ANGEL1: variants seen among roughly 807,000 people sequenced by gnomAD.
ANGEL1 encodes the protein angel homolog 1.
In ANGEL1, 62 loss-of-function variants were observed where a neutral mutation model predicts 76.4. That is an observed-to-expected ratio of 0.81 (90% CI 0.66 to 1.00). The LOEUF (loss-of-function observed/expected upper bound fraction) is 1.00. Among genes scored for constraint, ANGEL1 ranks in the 50% least tolerant of loss-of-function variants. ANGEL1 has a pLI of 0.00. For synonymous variants in ANGEL1, 340 were observed against 331.7 expected (o/e 1.03, Z -0.27); for missense variants, 737 against 836.7 (o/e 0.88, Z 1.47).
In ANGEL1 at chr14:76,807,460, G is replaced by T; in HGVS notation, c.919C>A (p.Gln307Lys). The change falls in exon 4 of 10, where the codon CAG (glutamine) becomes AAG (lysine). Residue 307 changes from glutamine (Q) to lysine (K), a missense_variant. By Grantham distance (53) the Gln-to-Lys change is moderately conservative (BLOSUM62 1). This residue lies in a region of ANGEL1 where 441 missense variants were observed against 449.5 expected (regional missense o/e 0.98). Coordinates refer to ENST00000251089, the MANE Select transcript of ANGEL1 (RefSeq NM_015305.4). ...QEVQEDHYWE[Q>K]LEPSLRMMGF... ...ATCATTCGCAGAGAGGGTTCCAGCT[G>T]CTCCCAGTAATGATCTTCCTGGACT... is the stretch of plus-strand genomic sequence containing the variant. The T allele has an allele frequency of 6.2e-7, 1 of 1,613,334 alleles. No homozygotes were observed. Among genetic ancestry groups the T allele is most frequent in the Non-Finnish European group, 8.5e-7 (1 of 1,179,710 alleles).
intron 5 of ANGEL1, chr14:76,804,434 T>C: frequency 2.0e-6 from 2 of 994,886 alleles, no homozygotes; most frequent in Non-Finnish European, 2.4e-6. Context: ...GGACAAAACG[T>C]AGTAGGGGAA....
rs1894979700 is a variant in ANGEL1 at position 76,808,251 on chromosome 14, T to C, written c.650-103A>G. The C allele has an allele frequency of 5.3e-6, 5 of 950,068 alleles. No homozygotes were observed. In the Admixed American group the frequency reaches 7.1e-5, roughly 14 times the overall value. 58.9% of individuals were successfully genotyped at this position (950,068 alleles called of 1,614,324 possible). On this transcript the variant is annotated intron_variant, in intron 2 of 9. Transcript: ENST00000251089. ...TAATATTATGCCTGAAGTTCCTTTT[T>C]CCATCTTCCCTGTCACCCATCCCTC...
chr14:76,812,827 TG>T lies in ANGEL1; in HGVS notation c.-1del, dbSNP rs1323895812. 4 of 1,511,686 alleles carry T rather than the reference TG, an allele frequency of 2.6e-6. No homozygotes were observed. Among genetic ancestry groups the T allele is most frequent in the Non-Finnish European group, 3.5e-6 (4 of 1,134,270 alleles). The allele number at this position is 1,511,686 out of a possible 1,614,324, so 93.6% of individuals were successfully genotyped here. On this transcript the variant is annotated 5_prime_UTR_variant, in exon 1 of 10. Coordinates refer to ENST00000251089, the MANE Select transcript of ANGEL1 (RefSeq NM_015305.4). ...AGGTAACACAAGCACGACGCGATCA[TG>T]GCCGGCCGCCCGCGCCCGCCTCCGC...
chr14:76,808,904 T>C (rs959409153), intron 2 of ANGEL1, among the ~76,000 whole-genome samples, 155 bp downstream of exon 2: 3 of 152,214 alleles, frequency 2.0e-5, no homozygotes, highest in Non-Finnish European at 2.9e-5. Context: ...TGAGATGATC[T>C]GTAAGGACCC....
intron 9 of ANGEL1, among the ~76,000 whole-genome samples, chr14:76,790,335 C>G (rs773245179): frequency 1.6e-4 from 24 of 152,168 alleles, no homozygotes; most frequent in Non-Finnish European, 3.4e-4. Flanking sequence ...TAAACAAACT[C>G]AACCAATTCC....
intron 7 of ANGEL1, among the ~76,000 whole-genome samples, chr14:76,799,387 G>C (rs573231762): frequency 3.8e-3 from 510 of 132,802 alleles, no homozygotes; most frequent in Non-Finnish European, 6.3e-3. Flanking sequence ...TCTGCCTCCC[G>C]CGTTCACACC....
At chr14:76,797,371 CG>C (rs1566697488) in intron 7 of ANGEL1, among the ~76,000 whole-genome samples, 2 of 152,082 alleles carry the variant, frequency 1.3e-5, no homozygotes. Context: ...AGGCCGAAGC[CG>C]GGGGATCACT....
chr14:76,802,426 G>A (rs1894793479), intron 7 of ANGEL1, among the ~76,000 whole-genome samples: 1 of 152,164 alleles, frequency 6.6e-6, no homozygotes, highest in African/African-American at 2.4e-5. Flanking sequence ...TATAAGGGAA[G>A]GACTGGGTAT....
Position 76,787,392 on chromosome 14 carries a change from T to G in ANGEL1, c.*1836A>C, listed in dbSNP as rs1894285058. ...CTGCTGTGGTTAGCCATTTTAAAGC[T>G]GCATTTCCCAGCAGAAGAGAACAGT... On this transcript the variant is annotated 3_prime_UTR_variant, in exon 10 of 10. Coordinates refer to ENST00000251089, the MANE Select transcript of ANGEL1 (RefSeq NM_015305.4). The G allele has an allele frequency of 6.6e-6, 1 of 152,472 alleles. No individual in the cohort carries two copies. The highest frequency in any genetic ancestry group is 2.4e-5 in the African/African-American group (1 of 41,452). 9.4% of individuals were successfully genotyped at this position (152,472 alleles called of 1,614,324 possible).
chr14:76,808,209 C>T, intron 2 of ANGEL1, 61 bp from the exon 3 acceptor site: 1 of 1,412,158 alleles, frequency 7.1e-7, no homozygotes, highest in Non-Finnish European at 9.9e-7. Context: ...GTGCTGCCAT[C>T]TCCACTCCTG....
chr14:76,806,546 A>T lies in ANGEL1; in HGVS notation c.1250T>A (p.Val417Glu). Residue 417 changes from valine (V) to glutamate (E), a missense_variant, in exon 5 of 10, where the codon GTG (valine) becomes GAG (glutamate). Val to Glu is a moderately radical substitution (Grantham distance 121). Transcript: ENST00000251089. Reference protein sequence around the residue: ...MAILLAEVDKVARLSDGSHCP... With the variant: ...MAILLAEVDKEARLSDGSHCP... Reference sequence around the variant, plus strand: ...GTGGCTGCCATCTGACAGTCTGGCCACCTTGTCCACTTCCGCCAGGAGAAT... The same window carrying T: ...GTGGCTGCCATCTGACAGTCTGGCCTCCTTGTCCACTTCCGCCAGGAGAAT... The T allele has an allele frequency of 6.2e-7, 1 of 1,614,146 alleles. No homozygotes were observed. The highest frequency in any genetic ancestry group is 1.7e-5 in the Admixed American group (1 of 60,028).
rs1399273881 is a variant in ANGEL1 at position 76,812,874 on chromosome 14, T to C, written c.-47A>G. On this transcript the variant is annotated 5_prime_UTR_variant, in exon 1 of 10. Transcript: ENST00000251089. ...TCCGCTCCTCACTGCAGCCAGCAGGTCCTCCCTCAGCTCGGCCCCGCCCCC... is the reference window on the plus strand; with the variant it reads ...TCCGCTCCTCACTGCAGCCAGCAGGCCCTCCCTCAGCTCGGCCCCGCCCCC... 2 of 1,472,246 alleles carry C rather than the reference T, an allele frequency of 1.4e-6. No individual in the cohort carries two copies. The highest frequency in any genetic ancestry group is 1.5e-5 in the African/African-American group (1 of 68,530). 91.2% of individuals were successfully genotyped at this position (1,472,246 alleles called of 1,614,324 possible). A position where few individuals can be genotyped will look rare whatever the true frequency, so the allele number is the denominator to read the frequency against.
intron 8 of ANGEL1, 36 bp downstream of exon 8, chr14:76,791,261 C>G (rs1190791034): frequency 4.3e-6 from 7 of 1,610,472 alleles, no homozygotes; most frequent in Non-Finnish European, 5.9e-6. Flanking sequence ...TAGGCAAGGG[C>G]TGGATTGAAA....
At chr14:76,800,969 T>A (rs796919966) in intron 7 of ANGEL1, among the ~76,000 whole-genome samples, 28 of 150,128 alleles carry the variant, frequency 1.9e-4, no homozygotes, top group African/African-American at 6.6e-4. Context: ...CAAGACTTTG[T>A]CTCAAAAAAA....
At chr14:76,795,079 G>A (rs957034586) in intron 7 of ANGEL1, among the ~76,000 whole-genome samples, 4 of 152,092 alleles carry the variant, frequency 2.6e-5, no homozygotes, top group South Asian at 4.1e-4. Flanking sequence ...AACTTTAACA[G>A]GAATGCTATT....
chr14:76,793,806 C>G (rs1368481776), intron 7 of ANGEL1, among the ~76,000 whole-genome samples: 1 of 151,642 alleles, frequency 6.6e-6, no homozygotes, highest in Admixed American at 6.6e-5. Flanking sequence ...CTAAACATAC[C>G]TATGATAAAG....
chr14:76,794,129 G>A (rs888133639), intron 7 of ANGEL1, among the ~76,000 whole-genome samples: 2 of 152,156 alleles, frequency 1.3e-5, no homozygotes, highest in Non-Finnish European at 2.9e-5. Context: ...TTTTTGACAA[G>A]GGGAGAAGTA....
intron 7 of ANGEL1, among the ~76,000 whole-genome samples, chr14:76,794,835 A>G (rs547638750): frequency 3.3e-5 from 5 of 152,258 alleles, no homozygotes; most frequent in Non-Finnish European, 7.4e-5. Flanking sequence ...TAAGTTCTGC[A>G]CATTAATTTT....
rs1003036279 is a variant in ANGEL1, at chr14:76,788,016, G to A, written c.*1212C>T. ...GCAAGTACTGCCACTTCAAATTCTT[G>A]GACCAGTTTTGTCCAAGGCCACCTT... On this transcript the variant is annotated 3_prime_UTR_variant, in exon 10 of 10. Transcript: ENST00000251089. 2 of 152,288 alleles carry A rather than the reference G, an allele frequency of 1.3e-5. No individual in the cohort carries two copies. The highest frequency in any genetic ancestry group is 4.8e-5 in the African/African-American group (2 of 41,460). The allele number at this position is 152,288 out of a possible 1,614,324, so 9.4% of individuals were successfully genotyped here.
Sources: allele counts gnomAD v4.1 joint callset (sites outside exome capture counted in the v4.1 genomes callset), GRCh38; gene constraint gnomAD v4.1.1; regional missense constraint gnomAD v4.1.1; transcripts MANE v1.5; gene names NCBI Gene and HGNC (gene_info 2026-07-23, HGNC 2026-07-21).